NRG3: variants seen among roughly 807,000 people sequenced by gnomAD.
The protein encoded by NRG3 is neuregulin 3.
A neutral mutation model predicts 66.9 loss-of-function variants in NRG3; 31 were observed. The ratio of observed to expected loss-of-function variants is 0.46; its 90% CI spans 0.35 to 0.63. The LOEUF (loss-of-function observed/expected upper bound fraction) is 0.63. Ranked by LOEUF, NRG3 falls within the 20% of genes least tolerant of loss-of-function variation. NRG3 has a pLI of 0.00. For synonymous variants in NRG3, 393 were observed against 359.4 expected (o/e 1.09, Z -1.06); for missense variants, 910 against 878.9 (o/e 1.04, Z -0.45).
chr10:82,063,319 GA>G (rs56765437), intron 1 of NRG3, among the ~76,000 whole-genome samples: 118,168 of 149,752 alleles, frequency 0.79, 46,604 homozygotes, highest in South Asian at 0.86. Context: ...ACGCAAATGT[GA>G]AAAAAAAAAG....
chr10:82,566,257 C>CA (rs1220571522), intron 2 of NRG3, among the ~76,000 whole-genome samples: 1 of 151,790 alleles, frequency 6.6e-6, no homozygotes, highest in African/African-American at 2.4e-5. Context: ...GTTAAGTGTT[C>CA]AATAGATATT....
At chr10:82,321,029 G>A (rs977325523) in intron 1 of NRG3, among the ~76,000 whole-genome samples, 3 of 152,166 alleles carry the variant, frequency 2.0e-5, no homozygotes, top group Admixed American at 6.5e-5. Flanking sequence ...ATTCTTTCTG[G>A]ATGCCAGACA....
intron 2 of NRG3, among the ~76,000 whole-genome samples, chr10:82,374,296 C>G (rs1466593215): frequency 6.6e-6 from 1 of 152,188 alleles, no homozygotes; most frequent in Non-Finnish European, 1.5e-5. Context: ...AAGAAGGAGA[C>G]TCCCAGAGGG....
At chr10:81,998,152 A>C (rs1439977297) in intron 1 of NRG3, among the ~76,000 whole-genome samples, 2 of 152,150 alleles carry the variant, frequency 1.3e-5, no homozygotes, top group African/African-American at 4.8e-5. Context: ...CAGTGTGATA[A>C]AGGGCGTAGT....
chr10:82,017,334 A>G (rs896272467), intron 1 of NRG3, among the ~76,000 whole-genome samples: 7 of 152,148 alleles, frequency 4.6e-5, no homozygotes, highest in African/African-American at 1.4e-4. Flanking sequence ...CATCCAGTCT[A>G]TCATTGTTGG....
At chr10:82,946,363 A>G (rs537196552) in intron 4 of NRG3, among the ~76,000 whole-genome samples, 1 of 152,038 alleles carries the variant, frequency 6.6e-6, no homozygotes, top group South Asian at 2.1e-4. Flanking sequence ...AGATTGTGAA[A>G]CCCGGTCTCT....
chr10:82,475,755 G>A (rs1841716938), intron 2 of NRG3, among the ~76,000 whole-genome samples: 1 of 152,062 alleles, frequency 6.6e-6, no homozygotes. Context: ...AAATACAGGG[G>A]AAAAGCTTCA....
At chr10:81,888,204 G>C (rs573973983) in intron 1 of NRG3, among the ~76,000 whole-genome samples, 2 of 152,034 alleles carry the variant, frequency 1.3e-5, no homozygotes, top group Non-Finnish European at 2.9e-5. Context: ...CTCTTAGTGA[G>C]ACTTCATGCA....
At chr10:82,980,955 A>G (rs1274465038) in intron 8 of NRG3, among the ~76,000 whole-genome samples, 1 of 152,226 alleles carries the variant, frequency 6.6e-6, no homozygotes, top group Non-Finnish European at 1.5e-5. Flanking sequence ...GACTATATAC[A>G]TATACATAAA....
chr10:82,606,940 A>G (rs583846), intron 2 of NRG3, among the ~76,000 whole-genome samples: 12,486 of 152,078 alleles, frequency 0.082, 605 homozygotes, highest in East Asian at 0.15. Flanking sequence ...CCAATCAGCA[A>G]TCCCACACTT....
chr10:81,966,829 T>A (rs2059747750), intron 1 of NRG3, among the ~76,000 whole-genome samples: 1 of 152,296 alleles, frequency 6.6e-6, no homozygotes, highest in South Asian at 2.1e-4. Flanking sequence ...TTTAGATCAT[T>A]AGTTGTATGA....
At chr10:82,708,939 G>T (rs2134369879) in intron 2 of NRG3, among the ~76,000 whole-genome samples, 2 of 151,962 alleles carry the variant, frequency 1.3e-5, no homozygotes, top group Middle Eastern at 3.4e-3. Flanking sequence ...ATTGCTGTTG[G>T]CAATTGCCTC....
At chr10:82,691,421 C>G (rs1463456843) in intron 2 of NRG3, among the ~76,000 whole-genome samples, 2 of 152,120 alleles carry the variant, frequency 1.3e-5, no homozygotes, top group Admixed American at 6.5e-5. Flanking sequence ...CAGCTGCCTC[C>G]CCTGCCACCC....
intron 1 of NRG3, among the ~76,000 whole-genome samples, chr10:82,221,385 G>A (rs1469939553): frequency 6.6e-6 from 1 of 151,990 alleles, no homozygotes; most frequent in Admixed American, 6.6e-5. Flanking sequence ...TTTTCAGATA[G>A]CATCATTAAT....
intron 1 of NRG3, among the ~76,000 whole-genome samples, chr10:82,328,047 T>A (rs1003343890): frequency 6.6e-6 from 1 of 152,126 alleles, no homozygotes; most frequent in African/African-American, 2.4e-5. Context: ...CATTGCGGGG[T>A]TAGGGCTTCA....
Position 82,846,964 on chromosome 10 carries a change from T to C in NRG3, c.1028-18447T>C, listed in dbSNP as rs543476822. ...AACCATGGTTTGAGTAAATTGTGGGTTTTGTTTTTCTGAAGTTGTGGGAAG... is the reference window on the plus strand; with the variant it reads ...AACCATGGTTTGAGTAAATTGTGGGCTTTGTTTTTCTGAAGTTGTGGGAAG... On this transcript the variant is annotated intron_variant, in intron 3 of 8. Transcript: ENST00000372141. 5.9e-5 allele frequency among the ~76,000 whole-genome samples: 9 copies of C among 152,242 alleles called. No individual in the cohort carries two copies. In the South Asian group the frequency reaches 1.9e-3, roughly 32 times the overall value.
chr10:82,064,215 T>C (rs1425280330), intron 1 of NRG3, among the ~76,000 whole-genome samples: 2 of 152,158 alleles, frequency 1.3e-5, no homozygotes, highest in Non-Finnish European at 2.9e-5. Flanking sequence ...CTGCATAGCT[T>C]ATAGTCCTGA....
chr10:82,368,198 C>T (rs2084664436), intron 2 of NRG3, among the ~76,000 whole-genome samples: 2 of 137,148 alleles, frequency 1.5e-5, no homozygotes, highest in Non-Finnish European at 3.0e-5. Flanking sequence ...TAGTAAGTTA[C>T]AGGTATTGTT....
At chr10:82,877,094 C>A (rs1841896970) in intron 4 of NRG3, among the ~76,000 whole-genome samples, 1 of 151,590 alleles carries the variant, frequency 6.6e-6, no homozygotes, top group African/African-American at 2.4e-5. Flanking sequence ...TTTTTTATAT[C>A]CAATTCTGCC....
Sources: gnomAD v4.1 joint callset for allele counts (sites outside exome capture counted in the v4.1 genomes callset) on GRCh38, gnomAD v4.1.1 for gene constraint, MANE v1.5 for transcripts, NCBI Gene and HGNC (gene_info 2026-07-23, HGNC 2026-07-21) for gene names.